Variants in RARS2 observed in about 807,000 individuals in gnomAD.
The protein encoded by RARS2 is probable arginine--tRNA ligase, mitochondrial.
A neutral mutation model predicts 88.5 loss-of-function variants in RARS2; 67 were observed. The observed-to-expected ratio is 0.76, with a 90% confidence interval of 0.62 to 0.93. The LOEUF (loss-of-function observed/expected upper bound fraction) is 0.93. RARS2 is among the 40% of genes least tolerant of loss of function. The pLI, the probability that RARS2 is intolerant of heterozygous loss-of-function variation, is 0.00. For missense variants in RARS2, 664 were observed against 684.2 expected (o/e 0.97, Z 0.33); for synonymous variants, 239 against 230.3 (o/e 1.04, Z -0.34).
At chr6:87,579,210 C>G (rs571127827) in intron 1 of RARS2, among the ~76,000 whole-genome samples, 5 of 152,208 alleles carry the variant, frequency 3.3e-5, no homozygotes, top group Admixed American at 1.3e-4. Context: ...ACCAGCAGTT[C>G]CAATACTTTG....
chr6:87,565,308 G>A (rs1380481208), intron 2 of RARS2, among the ~76,000 whole-genome samples: 1 of 151,906 alleles, frequency 6.6e-6, no homozygotes, highest in Non-Finnish European at 1.5e-5. Context: ...ATGAGAAAAA[G>A]AAGAATATTC....
chr6:87,515,045 G>T (rs766409018), intron 18 of RARS2, 25 bp from the exon 19 acceptor site: 2 of 1,566,184 alleles, frequency 1.3e-6, no homozygotes, highest in Non-Finnish European at 1.8e-6. Flanking sequence ...GAGAAATCAC[G>T]ATAGTACCAG....
chr6:87,528,385 T>C lies in RARS2; in HGVS notation c.878+1157A>G, dbSNP rs149778131. On this transcript the variant is annotated intron_variant, in intron 10 of 19. Transcript: ENST00000369536. Reference sequence around the variant, plus strand: ...AAAAACAGAAAACAGAACATCCATATATATGATCCAGCAAACTCACATCTG... The same window carrying C: ...AAAAACAGAAAACAGAACATCCATACATATGATCCAGCAAACTCACATCTG... Among the ~76,000 whole-genome samples the C allele has an allele frequency of 2.3e-4, 35 of 152,228 alleles. No individual in the cohort carries two copies. In the East Asian group the frequency reaches 6.6e-3, roughly 29 times the overall value.
chr6:87,555,100 A>AAATAAAT (rs1785432912), intron 5 of RARS2, among the ~76,000 whole-genome samples: 2 of 139,556 alleles, frequency 1.4e-5, no homozygotes, highest in African/African-American at 5.3e-5. Flanking sequence ...CTCCGTCTCA[A>AAATAAAT]AAATAAATAA....
chr6:87,529,673 A>G, intron 9 of RARS2, 25 bp from the exon 10 acceptor site: 2 of 1,514,720 alleles, frequency 1.3e-6, no homozygotes, highest in Non-Finnish European at 1.8e-6. Context: ...AAACAAAAAG[A>G]CAAAGAAATG....
chr6:87,524,630 G>C lies in RARS2; in HGVS notation c.901C>G (p.Leu301Val), dbSNP rs771274749. 1.9e-6 allele frequency: 3 copies of C among 1,612,378 alleles called. No individual in the cohort carries two copies. The highest frequency in any genetic ancestry group is 3.3e-5 in the Admixed American group (2 of 59,974). ...GAGGAGGGGTCGCCATTCCCAGAGA[G>C]ATCTACTACAGCCGTTCCTTTTCTA... ...KTIKGTAVVD[L>V]SGNGDPSSIC... Residue 301 changes from leucine (L) to valine (V), a missense_variant, in exon 11 of 20, where the codon CTC becomes GTC. Leu to Val is a conservative substitution (Grantham distance 32, BLOSUM62 1). Coordinates refer to ENST00000369536, the MANE Select transcript of RARS2 (RefSeq NM_020320.5).
chr6:87,577,398 T>C (rs1771899147), intron 1 of RARS2, among the ~76,000 whole-genome samples: 1 of 152,092 alleles, frequency 6.6e-6, no homozygotes, highest in Non-Finnish European at 1.5e-5. Flanking sequence ...ATCTCACCTT[T>C]GTTGTCCAGG....
At chr6:87,556,994 A>G (rs1424228252) in intron 4 of RARS2, among the ~76,000 whole-genome samples, 1 of 151,786 alleles carries the variant, frequency 6.6e-6, no homozygotes. Context: ...TTATGTTGTG[A>G]AAAATTTTAT....
chr6:87,580,590 T>TG, intron 1 of RARS2, among the ~76,000 whole-genome samples: 1 of 81,222 alleles, frequency 1.2e-5, no homozygotes, highest in Middle Eastern at 5.7e-3. Flanking sequence ...AAACCCTGTC[T>TG]CAAAAAAAAA....
chr6:87,519,100 T>A lies in RARS2; in HGVS notation c.1238-209A>T, dbSNP rs1181712554. On this transcript the variant is annotated intron_variant, in intron 14 of 19. Coordinates refer to ENST00000369536, the MANE Select transcript of RARS2 (RefSeq NM_020320.5). ...GGGAAAGAAATCCAAATTTATTTAT[T>A]CAAAAGATACTTGTAGGAAAAATAA... is the stretch of plus-strand genomic sequence containing the variant. 3 of 559,390 alleles carry A rather than the reference T, an allele frequency of 5.4e-6. No individual in the cohort carries two copies. In the African/African-American group the frequency reaches 5.7e-5, roughly 11 times the overall value. 34.7% of individuals were successfully genotyped at this position (559,390 alleles called of 1,614,324 possible).
intron 16 of RARS2, 81 bp downstream of exon 16, chr6:87,518,549 A>G: frequency 7.0e-7 from 1 of 1,427,024 alleles, no homozygotes; most frequent in Non-Finnish European, 9.8e-7. Flanking sequence ...CCCAGAAAAC[A>G]GGGCCTCTGG....
At position 87,518,275 on chromosome 6, in the gene RARS2, G is replaced by A. The variant is rs751337901; in HGVS notation, c.1416-11C>T. The stretch of plus-strand genomic sequence containing the variant: ...AAAGTCTCTTCCAAACTTATCAAAA[G>A]TTTAAAGTTAAAAACATCAAAAGAT... On this transcript the variant is annotated splice_polypyrimidine_tract_variant and intron_variant, in intron 16 of 19. Coordinates refer to ENST00000369536, the MANE Select transcript of RARS2 (RefSeq NM_020320.5). 3 of 1,614,098 alleles carry A rather than the reference G, an allele frequency of 1.9e-6. No homozygotes were observed. The highest frequency in any genetic ancestry group is 2.5e-6 in the Non-Finnish European group (3 of 1,180,006).
chr6:87,578,123 T>G (rs1772200028), intron 1 of RARS2, among the ~76,000 whole-genome samples: 1 of 141,496 alleles, frequency 7.1e-6, no homozygotes, highest in African/African-American at 2.7e-5. Flanking sequence ...CCCCCCGCCA[T>G]CTCTATTTAA....
chr6:87,564,521 T>C, intron 2 of RARS2: 1 of 382,054 alleles, frequency 2.6e-6, no homozygotes, highest in Non-Finnish European at 5.0e-6. Flanking sequence ...ACACAAAAAT[T>C]AGCCAGGCAT....
At chr6:87,543,646 G>GAA (rs879423380) in intron 7 of RARS2, among the ~76,000 whole-genome samples, 1 of 132,826 alleles carries the variant, frequency 7.5e-6, no homozygotes, top group African/African-American at 2.8e-5. Flanking sequence ...ATCTCAGAAA[G>GAA]AAAAAAAAAA....
At position 87,584,789 on chromosome 6, in the gene RARS2, C is replaced by G. The variant is rs1429550262; in HGVS notation, c.36+5133G>C. 6 of 450,032 alleles carry G rather than the reference C, an allele frequency of 1.3e-5. No homozygotes were observed. The East Asian group carries it at 2.8e-4, about 21-fold the overall frequency. The allele number at this position is 450,032 out of a possible 1,614,324, so 27.9% of individuals were successfully genotyped here. The stretch of plus-strand genomic sequence containing the variant: ...GAAGCTAAGAGACAAGATGATGAAT[C>G]CTTGTGCAGTTATCTACCCCAAGAC... On this transcript the variant is annotated intron_variant, in intron 1 of 19. Coordinates refer to ENST00000369536, the MANE Select transcript of RARS2 (RefSeq NM_020320.5).
chr6:87,587,071 A>G (rs1446605048), intron 1 of RARS2, among the ~76,000 whole-genome samples: 2 of 151,880 alleles, frequency 1.3e-5, no homozygotes, highest in African/African-American at 4.8e-5. Flanking sequence ...ACCATGCCCA[A>G]CTAATTTTCT....
chr6:87,588,587 C>G, intron 1 of RARS2, among the ~76,000 whole-genome samples: 1 of 152,148 alleles, frequency 6.6e-6, no homozygotes, highest in East Asian at 1.9e-4. Context: ...GTTGTCCACG[C>G]TGGTCTCGAA....
rs779929459 is a variant in RARS2, at chr6:87,530,792, C to A, written c.763G>T (p.Val255Phe). 11 of 1,614,044 alleles carry A rather than the reference C, an allele frequency of 6.8e-6. No individual in the cohort carries two copies. Among genetic ancestry groups the A allele is most frequent in the Non-Finnish European group, 9.3e-6 (11 of 1,180,018 alleles). ...RDLSIEEYIR[V>F]YKRLGVYFDE... ...GGAGGGTCAACCAATACCTTGTAAA[C>A]CCGAATGTACTCTTCAATGCTCAAG... The change falls in exon 9 of 20, where the codon GTT becomes TTT. Residue 255 changes from valine to phenylalanine, a missense_variant. Transcript: ENST00000369536.
Sources: gnomAD v4.1 joint callset for allele counts (sites outside exome capture counted in the v4.1 genomes callset) on GRCh38, gnomAD v4.1.1 for gene constraint, MANE v1.5 for transcripts, NCBI Gene and HGNC (gene_info 2026-07-23, HGNC 2026-07-21) for gene names.